AGAP1: variants seen among roughly 807,000 people sequenced by gnomAD.
AGAP1 encodes ArfGAP with GTPase domain, ankyrin repeat and PH domain 1.
Under a neutral mutation model 105.3 loss-of-function variants are expected in AGAP1, and 29 were observed. The observed-to-expected ratio is 0.28, with a 90% CI of 0.21 to 0.38. The LOEUF (loss-of-function observed/expected upper bound fraction) is 0.38. Ranked by LOEUF, AGAP1 falls within the 10% of genes least tolerant of loss-of-function variation. The probability of loss-of-function intolerance (pLI) is 1.00; values close to 1 mark genes in which losing one functional copy is unlikely to be tolerated. For synonymous variants in AGAP1, 509 were observed against 485.9 expected (o/e 1.05, Z -0.63); for missense variants, 998 against 1,165.1 (o/e 0.86, Z 2.09).
chr2:235,670,121 G>A (rs1316443122), intron 1 of AGAP1: 2 of 563,560 alleles, frequency 3.5e-6, no homozygotes, highest in Non-Finnish European at 6.5e-6. Context: ...GGACGGCAGT[G>A]GCGAGCCCGC....
At chr2:236,099,107 G>C (rs952987905) in intron 16 of AGAP1, among the ~76,000 whole-genome samples, 1 of 152,010 alleles carries the variant, frequency 6.6e-6, no homozygotes, top group Admixed American at 6.5e-5. Flanking sequence ...AGGGTGGGCC[G>C]GGGGGACTTC....
chr2:235,728,691 T>TA lies in AGAP1; in HGVS notation c.310+11047_310+11048insA, dbSNP rs531215883. On this transcript the variant is annotated intron_variant, in intron 3 of 17. Coordinates refer to ENST00000304032, the MANE Select transcript of AGAP1 (RefSeq NM_001037131.3). This position sits in a 1 kb window ranked among gnomAD's most constrained non-coding sequence, Gnocchi z 4.3. ...CCATTTCTTAATGTTGTATATTTTT[T>TA]TAAAAATTAACACCACCATAAGCAA... is the stretch of plus-strand genomic sequence containing the variant. 5.6e-3 allele frequency among the ~76,000 whole-genome samples: 851 copies of TA among 151,926 alleles called. 10 individuals carry two copies. The highest frequency in any genetic ancestry group is 0.031 in the South Asian group (150 of 4,824).
At position 235,623,760 on chromosome 2, in the gene AGAP1, A is replaced by C. The variant is rs145865666; in HGVS notation, c.164-85419A>C. 2.9e-3 allele frequency among the ~76,000 whole-genome samples: 437 copies of C among 152,248 alleles called. 2 individuals are homozygous for C. The highest frequency in any genetic ancestry group is 9.6e-3 in the African/African-American group (399 of 41,538). ...CTGCTTTCAGCCTCCCTAAGCCATTAATTTACATGTCAGATTTTTTTGAGT... is the reference window on the plus strand; with the variant it reads ...CTGCTTTCAGCCTCCCTAAGCCATTCATTTACATGTCAGATTTTTTTGAGT... On this transcript the variant is annotated intron_variant, in intron 1 of 17. Coordinates refer to ENST00000304032, the MANE Select transcript of AGAP1 (RefSeq NM_001037131.3). This position sits in a 1 kb window ranked among gnomAD's most constrained non-coding sequence, Gnocchi z 4.5.
At chr2:235,921,361 A>G (rs185445334) in intron 11 of AGAP1, among the ~76,000 whole-genome samples, 3 of 152,370 alleles carry the variant, frequency 2.0e-5, no homozygotes, top group African/African-American at 2.4e-5. Context: ...AGAACAATGT[A>G]TGCATATGTT....
In AGAP1 at chr2:236,078,497, T is replaced by A. The variant is rs1251909886; in HGVS notation, c.2114+29216T>A. Among the ~76,000 whole-genome samples the A allele has an allele frequency of 6.6e-6, 1 of 152,196 alleles. No homozygotes were observed. The highest frequency in any genetic ancestry group is 1.5e-5 in the Non-Finnish European group (1 of 68,034). On this transcript the variant is annotated intron_variant, in intron 16 of 17. Coordinates refer to ENST00000304032, the MANE Select transcript of AGAP1 (RefSeq NM_001037131.3). This position sits in a 1 kb window ranked among gnomAD's most constrained non-coding sequence, Gnocchi z 5.3. ...TGATCATGAGTCATCCTGCTATGACTTTAATTGCCTGGAGAATTCCTTCCC... is the reference window on the plus strand; with the variant it reads ...TGATCATGAGTCATCCTGCTATGACATTAATTGCCTGGAGAATTCCTTCCC...
chr2:235,860,902 A>G (rs1163727923), intron 9 of AGAP1, among the ~76,000 whole-genome samples: 3 of 152,206 alleles, frequency 2.0e-5, no homozygotes, highest in Non-Finnish European at 4.4e-5. Flanking sequence ...TGGGGCCCAT[A>G]AAACAAATAG....
intron 16 of AGAP1, among the ~76,000 whole-genome samples, chr2:236,112,355 G>A (rs1413015672): frequency 6.6e-6 from 1 of 151,832 alleles, no homozygotes; most frequent in Non-Finnish European, 1.5e-5. Context: ...AGTGGAGGTT[G>A]CAGTGAGCCA....
Position 236,046,832 on chromosome 2 carries a change from G to A in AGAP1, c.1892-2227G>A, listed in dbSNP as rs561117200. Among the ~76,000 whole-genome samples, 3 of 152,252 alleles carry A rather than the reference G, an allele frequency of 2.0e-5. No homozygotes were observed. The highest frequency in any genetic ancestry group is 3.9e-4 in the East Asian group (2 of 5,164). On this transcript the variant is annotated intron_variant, in intron 15 of 17. Transcript: ENST00000304032. The surrounding 1 kb of genome is among the most constrained non-coding windows in gnomAD (Gnocchi z 5.2). ...ATCCAGAGAGGTCGTTGACCAAAAA[G>A]GTATCAGAAGTTAGCACTGGCCCAG...
chr2:235,954,553 G>GT (rs1196094680), intron 12 of AGAP1, among the ~76,000 whole-genome samples: 2 of 148,206 alleles, frequency 1.3e-5, no homozygotes, highest in Non-Finnish European at 3.0e-5. Context: ...ACGGTTCTGT[G>GT]TTGAGGTCCT....
chr2:235,939,906 C>T (rs2053181047), intron 12 of AGAP1, among the ~76,000 whole-genome samples: 1 of 152,134 alleles, frequency 6.6e-6, no homozygotes, highest in African/African-American at 2.4e-5. Flanking sequence ...TAGGCCTGAC[C>T]ATTCCTCTAG....
chr2:235,495,937 C>G (rs1226431191), intron 1 of AGAP1, among the ~76,000 whole-genome samples: 1 of 152,182 alleles, frequency 6.6e-6, no homozygotes, highest in Non-Finnish European at 1.5e-5. Context: ...TATTGAGGAA[C>G]ATTGAGAATG....
Position 236,131,394 on chromosome 2 carries a change from G to A in AGAP1, c.*7272G>A, listed in dbSNP as rs999052237. On this transcript the variant is annotated 3_prime_UTR_variant, in exon 18 of 18. Coordinates refer to ENST00000304032, the MANE Select transcript of AGAP1 (RefSeq NM_001037131.3). This position sits in a 1 kb window ranked among gnomAD's most constrained non-coding sequence, Gnocchi z 5.9. ...TGCATTTCTAGGCAGGGGCAGGGAA[G>A]GCCAACCCACCTTGCAGCCAGTTTT... is the stretch of plus-strand genomic sequence containing the variant. The A allele has an allele frequency of 1.3e-5, 2 of 152,236 alleles. No individual in the cohort carries two copies. Among genetic ancestry groups the A allele is most frequent in the Non-Finnish European group, 2.9e-5 (2 of 68,074 alleles). 9.4% of individuals were successfully genotyped at this position (152,236 alleles called of 1,614,324 possible). A position where few individuals can be genotyped will look rare whatever the true frequency, so the allele number is the denominator to read the frequency against.
chr2:236,061,491 T>C lies in AGAP1; in HGVS notation c.2114+12210T>C, dbSNP rs2125757844. ...ATGAATGGGTGAACAAAACATGGTC[T>C]GTCCGTACACCAGAACGTGATTCTG... On this transcript the variant is annotated intron_variant, in intron 16 of 17. Transcript: ENST00000304032. The surrounding 1 kb of genome is among the most constrained non-coding windows in gnomAD (Gnocchi z 4.1). Among the ~76,000 whole-genome samples the C allele has an allele frequency of 6.6e-6, 1 of 152,348 alleles. No homozygotes were observed. Among genetic ancestry groups the C allele is most frequent in the South Asian group, 2.1e-4 (1 of 4,824 alleles).
chr2:235,659,158 C>T lies in AGAP1; in HGVS notation c.164-50021C>T, dbSNP rs976524311. 2.0e-5 allele frequency among the ~76,000 whole-genome samples: 3 copies of T among 152,226 alleles called. No homozygotes were observed. Among genetic ancestry groups the T allele is most frequent in the Non-Finnish European group, 2.9e-5 (2 of 68,046 alleles). On this transcript the variant is annotated intron_variant, in intron 1 of 17. Coordinates refer to ENST00000304032, the MANE Select transcript of AGAP1 (RefSeq NM_001037131.3). The surrounding 1 kb of genome is among the most constrained non-coding windows in gnomAD (Gnocchi z 5.0). Reference sequence around the variant, plus strand: ...ATTCCCACACCCTGCCGAGTTTGTGCGTTTCTGTGAATCTGATGAGTGGGT... The same window carrying T: ...ATTCCCACACCCTGCCGAGTTTGTGTGTTTCTGTGAATCTGATGAGTGGGT...
Position 236,123,834 on chromosome 2 carries a change from ATG to A in AGAP1, c.2371-84_2371-83del. ...GCCCCGCTGTCCAAGCACAAGCCAC[ATG>A]CAAGGGCTGAGAGAAAGCTTCCCTG... On this transcript the variant is annotated intron_variant, in intron 17 of 17. Coordinates refer to ENST00000304032, the MANE Select transcript of AGAP1 (RefSeq NM_001037131.3). The surrounding 1 kb of genome is among the most constrained non-coding windows in gnomAD (Gnocchi z 4.6). 2.0e-6 allele frequency: 3 copies of A among 1,533,638 alleles called. No individual in the cohort carries two copies. The highest frequency in any genetic ancestry group is 2.7e-6 in the Non-Finnish European group (3 of 1,123,618).
At chr2:235,852,157 TC>T (rs2048493538) in intron 9 of AGAP1, among the ~76,000 whole-genome samples, 1 of 152,126 alleles carries the variant, frequency 6.6e-6, no homozygotes, top group Non-Finnish European at 1.5e-5. Context: ...TGCTCATTTT[TC>T]CCCCGTTTCT....
At chr2:235,686,636 T>G (rs1444007681) in intron 1 of AGAP1, among the ~76,000 whole-genome samples, 5 of 50,960 alleles carry the variant, frequency 9.8e-5, no homozygotes, top group Admixed American at 2.4e-4. Context: ...TATATATATA[T>G]ATATATATAG....
intron 12 of AGAP1, among the ~76,000 whole-genome samples, chr2:235,952,430 T>C (rs1159611591): frequency 2.0e-5 from 3 of 152,320 alleles, no homozygotes; most frequent in Non-Finnish European, 4.4e-5. Context: ...TTATCAAAAA[T>C]GTTTATACTG....
At chr2:235,497,797 T>G (rs539612255) in intron 1 of AGAP1, among the ~76,000 whole-genome samples, 3 of 152,108 alleles carry the variant, frequency 2.0e-5, no homozygotes, top group Non-Finnish European at 4.4e-5. Context: ...GGGGTTTCAT[T>G]GTGTTAGCCG....
Sources: gnomAD v4.1 joint callset for allele counts (sites outside exome capture counted in the v4.1 genomes callset) on GRCh38, gnomAD v4.1.1 for gene constraint, Gnocchi (gnomAD v3.1) non-coding constraint, MANE v1.5 for transcripts, NCBI Gene and HGNC (gene_info 2026-07-23, HGNC 2026-07-21) for gene names.